The following CNTLN variants were observed in gnomAD, a reference collection of about 807,000 sequenced individuals.
The protein encoded by CNTLN is centlein, centrosomal protein.
CNTLN carries 212 observed loss-of-function variants against 180.0 expected under a neutral mutation model. The observed-to-expected ratio is 1.18, with a 90% CI of 1.05 to 1.32. The LOEUF (loss-of-function observed/expected upper bound fraction) is 1.32. Among genes scored for constraint, CNTLN ranks in the 40% most tolerant of loss-of-function variants. The probability of loss-of-function intolerance (pLI) is 0.00; values close to 1 mark genes in which losing one functional copy is unlikely to be tolerated. For missense variants in CNTLN, 2,095 were observed against 1,610.9 expected, an observed-to-expected ratio of 1.30 and a Z score of -5.14; for synonymous variants, 722 against 563.1, an observed-to-expected ratio of 1.28 and a Z score of -3.99.
chr9:17,231,675 T>C (rs1428692631), intron 3 of CNTLN, among the ~76,000 whole-genome samples: 1 of 152,184 alleles, frequency 6.6e-6, no homozygotes, highest in African/African-American at 2.4e-5. Flanking sequence ...GCTTTAGTTA[T>C]TGTGGTTTAA....
chr9:17,217,370 C>G (rs922591861), intron 2 of CNTLN, among the ~76,000 whole-genome samples: 1 of 152,198 alleles, frequency 6.6e-6, no homozygotes, highest in Non-Finnish European at 1.5e-5. Context: ...TATTATGCAG[C>G]TTGCATGTGT....
chr9:17,210,833 G>C (rs1392011866), intron 2 of CNTLN, among the ~76,000 whole-genome samples: 1 of 152,090 alleles, frequency 6.6e-6, no homozygotes. Context: ...TCATGTGTCT[G>C]TTGGCTGCAT....
At chr9:17,279,451 G>A (rs141306047) in intron 6 of CNTLN, among the ~76,000 whole-genome samples, 1 of 152,260 alleles carries the variant, frequency 6.6e-6, no homozygotes, top group Non-Finnish European at 1.5e-5. Flanking sequence ...AGTGAAATGA[G>A]AGGCTTTGCA....
chr9:17,442,792 C>A (rs760858518), intron 18 of CNTLN, among the ~76,000 whole-genome samples: 1 of 152,030 alleles, frequency 6.6e-6, no homozygotes, highest in African/African-American at 2.4e-5. Context: ...ACATAACATA[C>A]CTGAATTTAT....
In CNTLN at chr9:17,309,221, C is replaced by T; in HGVS notation, c.1310C>T (p.Pro437Leu). Residue 437 changes from proline to leucine, a missense_variant, in exon 8 of 26, where the codon CCT (proline) becomes CTT (leucine). By Grantham distance (98) the Pro-to-Leu change is moderately conservative (BLOSUM62 -3). Coordinates refer to ENST00000380647, the MANE Select transcript of CNTLN (RefSeq NM_017738.4). ...TCACAGGGAGCACCTCTTCCTTTAC[C>T]TCAAGAAAGTGATCCAGACTACTCA... ...QESQGAPLPL[P>L]QESDPDYSAQ... The T allele has an allele frequency of 1.2e-6, 2 of 1,600,442 alleles. No homozygotes were observed. The highest frequency in any genetic ancestry group is 2.3e-5 in the South Asian group (2 of 88,726).
intron 5 of CNTLN, among the ~76,000 whole-genome samples, chr9:17,267,658 C>T (rs1016807210): frequency 1.6e-4 from 25 of 152,040 alleles, no homozygotes; most frequent in East Asian, 3.9e-4. Flanking sequence ...CCATTCTCCC[C>T]GACACTTTCA....
chr9:17,453,186 AC>A (rs1273971078), intron 18 of CNTLN, among the ~76,000 whole-genome samples: 1 of 151,952 alleles, frequency 6.6e-6, no homozygotes, highest in Non-Finnish European at 1.5e-5. Context: ...GATGGTGCAT[AC>A]CTGTAGTCCC....
chr9:17,323,637 C>T (rs1587656150), intron 8 of CNTLN, among the ~76,000 whole-genome samples: 1 of 152,198 alleles, frequency 6.6e-6, no homozygotes, highest in Non-Finnish European at 1.5e-5. Context: ...AATTACTTTA[C>T]ATGGCGGATG....
chr9:17,436,916 A>C (rs953953968), intron 18 of CNTLN, among the ~76,000 whole-genome samples: 2 of 152,236 alleles, frequency 1.3e-5, no homozygotes, highest in Non-Finnish European at 2.9e-5. Context: ...TAGTTTGTGT[A>C]GTACACATTC....
At chr9:17,241,490 G>A (rs1398924501) in intron 5 of CNTLN, among the ~76,000 whole-genome samples, 7 of 152,100 alleles carry the variant, frequency 4.6e-5, no homozygotes, top group African/African-American at 1.7e-4. Flanking sequence ...CAGGTGATGT[G>A]ATTCCTCCAG....
chr9:17,397,974 A>G (rs888475418), intron 15 of CNTLN, among the ~76,000 whole-genome samples: 1 of 152,050 alleles, frequency 6.6e-6, no homozygotes, highest in Non-Finnish European at 1.5e-5. Flanking sequence ...TTTCTTTTAG[A>G]TTTTTATAGA....
intron 2 of CNTLN, among the ~76,000 whole-genome samples, chr9:17,171,711 GT>G (rs1348444698): frequency 6.6e-6 from 1 of 152,088 alleles, no homozygotes; most frequent in Non-Finnish European, 1.5e-5. Flanking sequence ...GGTAGCAGTG[GT>G]TCTAGTATCC....
rs1336330570 is a variant in CNTLN at position 17,217,676 on chromosome 9, GAAAGGCATATAATGCACAATCATA to G, written c.450-8513_450-8490del. 7.2e-5 allele frequency among the ~76,000 whole-genome samples: 11 copies of G among 152,280 alleles called. No individual in the cohort carries two copies. In the South Asian group the frequency reaches 1.2e-3, roughly 17 times the overall value. On this transcript the variant is annotated intron_variant, in intron 2 of 25. Coordinates refer to ENST00000380647, the MANE Select transcript of CNTLN (RefSeq NM_017738.4). ...GGGTGAAAAATATTTGCACAATCAT[GAAAGGCATATAATGCACAATCATA>G]AAAGGCATATAATACACAATCTTTT...
intron 12 of CNTLN, among the ~76,000 whole-genome samples, chr9:17,362,055 G>A (rs1823435272): frequency 6.6e-6 from 1 of 152,178 alleles, no homozygotes; most frequent in Non-Finnish European, 1.5e-5. Context: ...TCAAGAACAA[G>A]GTGGTCCCTG....
At chr9:17,169,434 G>C (rs564177231) in intron 2 of CNTLN, among the ~76,000 whole-genome samples, 5 of 152,214 alleles carry the variant, frequency 3.3e-5, no homozygotes, top group Non-Finnish European at 5.9e-5. Context: ...CTAGTTCTAT[G>C]AATTGAAATC....
intron 13 of CNTLN, among the ~76,000 whole-genome samples, chr9:17,378,579 T>C (rs1178896770): frequency 1.3e-5 from 2 of 152,240 alleles, no homozygotes; most frequent in East Asian, 3.8e-4. Context: ...ATTCTTATTT[T>C]ATTTTTGGAT....
At chr9:17,145,092 C>T (rs531565878) in intron 2 of CNTLN, among the ~76,000 whole-genome samples, 17 of 150,060 alleles carry the variant, frequency 1.1e-4, no homozygotes, top group African/African-American at 3.2e-4. Context: ...CCACCCGCCT[C>T]GGCCTCCCAA....
intron 2 of CNTLN, among the ~76,000 whole-genome samples, chr9:17,180,684 T>C (rs1821070253): frequency 6.6e-6 from 1 of 152,132 alleles, no homozygotes; most frequent in Non-Finnish European, 1.5e-5. Context: ...ATTTCTTTTC[T>C]ATTTAGAAAA....
chr9:17,392,654 T>C (rs1291318275), intron 14 of CNTLN, among the ~76,000 whole-genome samples: 2 of 152,068 alleles, frequency 1.3e-5, no homozygotes. Context: ...ATAGGTCCAA[T>C]AGTAGGTTAA....
Sources: gnomAD v4.1 joint callset for allele counts (sites outside exome capture counted in the v4.1 genomes callset) on GRCh38, gnomAD v4.1.1 for gene constraint, MANE v1.5 for transcripts, NCBI Gene and HGNC (gene_info 2026-07-23, HGNC 2026-07-21) for gene names.